Variants in SPATA16 observed in about 807,000 individuals in gnomAD.
SPATA16 encodes spermatogenesis-associated protein 16.
A neutral mutation model predicts 63.3 loss-of-function variants in SPATA16; 36 were observed. The observed-to-expected ratio is 0.57, with a 90% confidence interval of 0.44 to 0.75. The LOEUF (loss-of-function observed/expected upper bound fraction) is 0.75. Ranked by LOEUF, SPATA16 falls within the 30% of genes least tolerant of loss-of-function variation. The pLI is 0.00. For synonymous variants in SPATA16, 203 were observed against 216.7 expected (o/e 0.94, Z 0.56); for missense variants, 646 against 679.3 (o/e 0.95, Z 0.54).
intron 4 of SPATA16, among the ~76,000 whole-genome samples, chr3:172,977,408 T>C (rs1330082178): frequency 6.6e-6 from 1 of 152,174 alleles, no homozygotes; most frequent in Non-Finnish European, 1.5e-5. Context: ...TAGGAACTTT[T>C]AGCTCTTCAA....
At chr3:173,084,093 C>T (rs1050778123) in intron 2 of SPATA16, among the ~76,000 whole-genome samples, 2 of 152,128 alleles carry the variant, frequency 1.3e-5, no homozygotes, top group East Asian at 3.9e-4. Flanking sequence ...TTCAAGGAAT[C>T]GTTACACTGT....
chr3:173,026,979 G>A (rs984561198), intron 3 of SPATA16, among the ~76,000 whole-genome samples: 3 of 151,818 alleles, frequency 2.0e-5, no homozygotes, highest in Admixed American at 1.3e-4. Context: ...CTGGGATTTT[G>A]ATAAGTGTAT....
chr3:172,910,283 G>A (rs1732340640), intron 10 of SPATA16, among the ~76,000 whole-genome samples: 1 of 151,886 alleles, frequency 6.6e-6, no homozygotes, highest in African/African-American at 2.4e-5. Context: ...TAGTAGAGAT[G>A]GGGTTTCACC....
At chr3:173,016,223 T>C (rs914602363) in intron 4 of SPATA16, among the ~76,000 whole-genome samples, 1 of 152,234 alleles carries the variant, frequency 6.6e-6, no homozygotes, top group Non-Finnish European at 1.5e-5. Flanking sequence ...CACTTTCTTC[T>C]GGTAGAATGT....
chr3:173,045,075 G>GA (rs375375442), intron 3 of SPATA16, among the ~76,000 whole-genome samples: 8 of 152,052 alleles, frequency 5.3e-5, no homozygotes, highest in Admixed American at 3.3e-4. Flanking sequence ...CTGCTGTATG[G>GA]AATCTCTTTC....
chr3:172,920,239 A>G (rs1205110186), intron 8 of SPATA16, among the ~76,000 whole-genome samples: 1 of 152,234 alleles, frequency 6.6e-6, no homozygotes, highest in Non-Finnish European at 1.5e-5. Context: ...AATGTCACCA[A>G]ATTGTGAGGG....
At chr3:172,974,801 A>G (rs967674677) in intron 5 of SPATA16, among the ~76,000 whole-genome samples, 1 of 152,098 alleles carries the variant, frequency 6.6e-6, no homozygotes, top group Admixed American at 6.6e-5. Context: ...CAAACACTTT[A>G]TTCTAGCCAT....
chr3:173,125,173 G>A (rs574502872), intron 1 of SPATA16, among the ~76,000 whole-genome samples: 2 of 152,232 alleles, frequency 1.3e-5, no homozygotes, highest in Admixed American at 6.5e-5. Flanking sequence ...AGTTGGCCAA[G>A]ATAGAGCTTT....
intron 8 of SPATA16, among the ~76,000 whole-genome samples, chr3:172,923,801 A>G (rs1314285150): frequency 1.3e-5 from 2 of 152,238 alleles, no homozygotes; most frequent in African/African-American, 2.4e-5. Context: ...TGAAGGCACT[A>G]TCTTGAAAAG....
chr3:173,088,020 T>A (rs574596829), intron 2 of SPATA16, among the ~76,000 whole-genome samples: 1,886 of 91,632 alleles, frequency 0.021, 110 homozygotes, highest in African/African-American at 0.049. Context: ...CTTTCTTTCT[T>A]TCTTTCTTTC....
chr3:172,956,022 A>G (rs1051118009), intron 6 of SPATA16, among the ~76,000 whole-genome samples: 4 of 152,178 alleles, frequency 2.6e-5, no homozygotes, highest in African/African-American at 9.6e-5. Context: ...AGATTTTCTT[A>G]ACACGGAAGT....
chr3:172,889,583 AC>A lies in SPATA16; in HGVS notation c.1696del (p.Val566PhefsTer7), dbSNP rs1212165275. 3.1e-6 allele frequency: 5 copies of A among 1,613,780 alleles called. No homozygotes were observed. In the East Asian group the frequency reaches 1.1e-4, roughly 36 times the overall value. Reference protein sequence around the residue: ...QKTKMKRLQTVQQR With the variant: ...QKTKMKRLQTXQQR ...GCTCCCTAATGACTACCTTTGCTGAACAGTTTGAAGTCGCTTCATTTTTGTT... is the reference window on the plus strand; with the variant it reads ...GCTCCCTAATGACTACCTTTGCTGAAAGTTTGAAGTCGCTTCATTTTTGTT... On this transcript the variant is annotated frameshift_variant, in exon 11 of 11. Coordinates refer to ENST00000351008, the MANE Select transcript of SPATA16 (RefSeq NM_031955.6). LOFTEE classifies it high-confidence loss of function.
At chr3:173,012,121 A>G (rs1735087775) in intron 4 of SPATA16, among the ~76,000 whole-genome samples, 1 of 152,228 alleles carries the variant, frequency 6.6e-6, no homozygotes, top group Non-Finnish European at 1.5e-5. Context: ...CACCATGCCT[A>G]GCATTTTTAT....
intron 4 of SPATA16, among the ~76,000 whole-genome samples, chr3:173,011,185 A>G (rs1735066945): frequency 6.6e-6 from 1 of 152,236 alleles, no homozygotes; most frequent in Admixed American, 6.5e-5. Flanking sequence ...AACTGAATCC[A>G]GCAGCACATC....
chr3:173,014,049 A>T (rs1577132109), intron 4 of SPATA16, among the ~76,000 whole-genome samples: 2 of 152,194 alleles, frequency 1.3e-5, no homozygotes, highest in Admixed American at 6.5e-5. Context: ...CTTAAAACAG[A>T]GCCACCATTC....
chr3:173,038,861 A>G (rs190741670), intron 3 of SPATA16, among the ~76,000 whole-genome samples: 9 of 152,312 alleles, frequency 5.9e-5, no homozygotes, highest in Admixed American at 1.3e-4. Context: ...CATCTGTAAT[A>G]TCATTTGACA....
rs1360544186 is a variant in SPATA16 at position 172,906,156 on chromosome 3, AC to A, written c.1587+7504del. Among the ~76,000 whole-genome samples the A allele has an allele frequency of 4.6e-5, 7 of 152,174 alleles. No individual in the cohort carries two copies. The East Asian group carries it at 1.4e-3, about 29-fold the overall frequency. On this transcript the variant is annotated intron_variant, in intron 10 of 10. Transcript: ENST00000351008. The stretch of plus-strand genomic sequence containing the variant: ...TTAACAGTTGGTGCTTTTTTTTAAG[AC>A]CCCTTTTTCTATTTACTTTAAGCCT...
intron 2 of SPATA16, among the ~76,000 whole-genome samples, chr3:173,096,204 G>C (rs1428405855): frequency 6.6e-6 from 1 of 151,994 alleles, no homozygotes; most frequent in African/African-American, 2.4e-5. Flanking sequence ...ATGGGCATTT[G>C]GGTCAGCGCT....
intron 2 of SPATA16, among the ~76,000 whole-genome samples, chr3:173,094,677 GTT>G (rs57224552): frequency 7.0e-4 from 81 of 115,666 alleles, no homozygotes; most frequent in East Asian, 3.9e-3. Flanking sequence ...TATGGGAGTT[GTT>G]TTTTTTTTTT....
Sources: gnomAD v4.1 joint callset for allele counts (sites outside exome capture counted in the v4.1 genomes callset) on GRCh38, gnomAD v4.1.1 for gene constraint, MANE v1.5 for transcripts, NCBI Gene and HGNC (gene_info 2026-07-23, HGNC 2026-07-21) for gene names.